The following ALG14 variants were observed in gnomAD, a reference collection of about 807,000 sequenced individuals.
ALG14 encodes UDP-N-acetylglucosamine transferase subunit ALG14.
Under a neutral mutation model 22.8 loss-of-function variants are expected in ALG14, and 17 were observed. That is an observed-to-expected ratio of 0.75 (90% CI 0.51 to 1.12). ALG14 has a LOEUF of 1.12. ALG14 is among the 50% of genes most tolerant of loss of function. The pLI is 0.00. For missense variants in ALG14, 288 were observed against 271.8 expected (o/e 1.06, Z -0.42); for synonymous variants, 89 against 103.7 (o/e 0.86, Z 0.86).
intron 2 of ALG14, among the ~76,000 whole-genome samples, chr1:95,055,097 A>G (rs1003188022): frequency 6.6e-6 from 1 of 152,244 alleles, no homozygotes; most frequent in African/African-American, 2.4e-5. Context: ...ACAACCAAGT[A>G]TGATTTAAGG....
intron 1 of ALG14, 63 bp downstream of exon 1, chr1:95,072,700 G>A: frequency 8.2e-6 from 13 of 1,593,262 alleles, no homozygotes; most frequent in Non-Finnish European, 8.6e-6. Context: ...GAAGAGCGTC[G>A]CGGTGCACTC....
intron 3 of ALG14, among the ~76,000 whole-genome samples, chr1:95,018,383 A>G (rs565360398): frequency 6.6e-6 from 1 of 152,138 alleles, no homozygotes; most frequent in East Asian, 1.9e-4. Flanking sequence ...TGAAAATAAA[A>G]AAATTAGCTG....
At chr1:95,049,361 C>A (rs766246805) in intron 2 of ALG14, among the ~76,000 whole-genome samples, 1 of 151,984 alleles carries the variant, frequency 6.6e-6, no homozygotes, top group African/African-American at 2.4e-5. Context: ...GGCAAAACCC[C>A]GTCTCTACCA....
Position 95,072,861 on chromosome 1 carries a change from GC to G in ALG14, c.37del (p.Ala13LeufsTer6). 6.2e-7 allele frequency: 1 copy of G among 1,614,176 alleles called. No individual in the cohort carries two copies. Among genetic ancestry groups the G allele is most frequent in the South Asian group, 1.1e-5 (1 of 91,084 alleles). ...TCGCAGGATTAGGAAAACCGCCACA[GC>G]TCCTGCGGCCGCAGCTAGAACGAGA... ...CVLVLAAAAG[A>X]VAVFLILRIW... On this transcript the variant is annotated frameshift_variant, in exon 1 of 4. Transcript: ENST00000370205. LOFTEE classifies it high-confidence loss of function.
chr1:95,037,084 T>G (rs1382060026), intron 2 of ALG14, among the ~76,000 whole-genome samples: 1 of 152,168 alleles, frequency 6.6e-6, no homozygotes, highest in African/African-American at 2.4e-5. Flanking sequence ...TCTGAAAAAA[T>G]TATGGGATTC....
chr1:95,032,449 C>T (rs1674040659), intron 2 of ALG14, among the ~76,000 whole-genome samples: 1 of 152,072 alleles, frequency 6.6e-6, no homozygotes, highest in Non-Finnish European at 1.5e-5. Flanking sequence ...AGGCACCAAA[C>T]CCCAAAGGTT....
At chr1:95,068,991 C>T (rs1028249238) in intron 1 of ALG14, among the ~76,000 whole-genome samples, 6 of 152,194 alleles carry the variant, frequency 3.9e-5, no homozygotes, top group African/African-American at 9.7e-5. Flanking sequence ...CATCTGAATG[C>T]GATTGCTTTT....
intron 3 of ALG14, among the ~76,000 whole-genome samples, chr1:94,995,912 A>G (rs1672897903): frequency 6.6e-6 from 1 of 152,234 alleles, no homozygotes; most frequent in South Asian, 2.1e-4. Context: ...GCTGAATGAC[A>G]CTGCTTTGTT....
intron 2 of ALG14, among the ~76,000 whole-genome samples, chr1:95,042,757 T>C (rs1344761466): frequency 1.3e-5 from 2 of 152,248 alleles, no homozygotes; most frequent in Non-Finnish European, 2.9e-5. Context: ...TGACGTGTCT[T>C]GTGACTACAC....
chr1:95,006,351 T>C lies in ALG14; in HGVS notation c.420+20778A>G, dbSNP rs373041364. 2.7e-4 allele frequency among the ~76,000 whole-genome samples: 41 copies of C among 152,328 alleles called. 1 individual carries two copies. In the South Asian group the frequency reaches 6.6e-3, roughly 25 times the overall value. ...GGAATTATATATAGGTAGGTTCCAT[T>C]AACTATGACTTTCATTTTAGGATAG... is the stretch of plus-strand genomic sequence containing the variant. On this transcript the variant is annotated intron_variant, in intron 3 of 3. Transcript: ENST00000370205.
At chr1:94,992,026 G>A (rs902135332) in intron 3 of ALG14, among the ~76,000 whole-genome samples, 1 of 145,748 alleles carries the variant, frequency 6.9e-6, no homozygotes, top group Admixed American at 6.9e-5. Flanking sequence ...TCTCCTATGA[G>A]AACAATGCCT....
chr1:94,984,941 T>C (rs1169364107), intron 3 of ALG14, among the ~76,000 whole-genome samples: 1 of 152,194 alleles, frequency 6.6e-6, no homozygotes, highest in Non-Finnish European at 1.5e-5. Context: ...GTTCTCTTTT[T>C]TTTCTTTTTT....
chr1:94,984,254 G>A (rs905394270), intron 3 of ALG14, among the ~76,000 whole-genome samples: 1 of 152,144 alleles, frequency 6.6e-6, no homozygotes, highest in Non-Finnish European at 1.5e-5. Flanking sequence ...TATTGGGCAT[G>A]CTCTATGTCA....
chr1:94,995,752 C>T (rs998854968), intron 3 of ALG14, among the ~76,000 whole-genome samples: 3 of 152,148 alleles, frequency 2.0e-5, no homozygotes, highest in African/African-American at 7.2e-5. Flanking sequence ...TTGGATTCCA[C>T]ACATTGACTA....
At chr1:95,070,827 C>T (rs1345240854) in intron 1 of ALG14, among the ~76,000 whole-genome samples, 2 of 152,006 alleles carry the variant, frequency 1.3e-5, no homozygotes, top group African/African-American at 4.8e-5. Flanking sequence ...CCTCCACCTC[C>T]CAGACTCAAG....
intron 3 of ALG14, chr1:95,022,204 G>T: frequency 1.9e-6 from 1 of 530,734 alleles, no homozygotes; most frequent in Non-Finnish European, 2.4e-6. Context: ...CAATCTAACT[G>T]CTAATATGCA....
In ALG14 at chr1:95,027,215, G is replaced by A. The variant is rs2100772022; in HGVS notation, c.334C>T (p.Gln112Ter). Residue 112 changes from glutamine (Q) to a stop codon, truncating the protein, a stop_gained, in exon 3 of 4, where the codon CAG becomes TAG. Coordinates refer to ENST00000370205, the MANE Select transcript of ALG14 (RefSeq NM_144988.4). LOFTEE classifies it high-confidence loss of function. ...IHRIPRSREV[Q>*]QSWPSTVFTT... ...AAAACGGTGGAGGGCCAGGACTGCT[G>A]AACCTCCCGGCTTCTTGGAATTCGG... is the stretch of plus-strand genomic sequence containing the variant. The A allele has an allele frequency of 6.2e-7, 1 of 1,614,166 alleles. No individual in the cohort carries two copies. Among genetic ancestry groups the A allele is most frequent in the Non-Finnish European group, 8.5e-7 (1 of 1,180,010 alleles).
At chr1:95,005,821 G>A (rs1278600416) in intron 3 of ALG14, among the ~76,000 whole-genome samples, 3 of 152,144 alleles carry the variant, frequency 2.0e-5, no homozygotes, top group African/African-American at 4.8e-5. Context: ...TTGGACAGGT[G>A]CCAGGGATAT....
intron 3 of ALG14, among the ~76,000 whole-genome samples, chr1:95,000,409 C>T (rs781530267): frequency 1.7e-4 from 26 of 151,258 alleles, no homozygotes; most frequent in Non-Finnish European, 3.8e-4. Context: ...TGGCATGCAC[C>T]TGTGGTCTCA....
Sources: gnomAD v4.1 joint callset for allele counts (sites outside exome capture counted in the v4.1 genomes callset) on GRCh38, gnomAD v4.1.1 for gene constraint, MANE v1.5 for transcripts, NCBI Gene and HGNC (gene_info 2026-07-23, HGNC 2026-07-21) for gene names.